ZMYM4: variants seen among roughly 807,000 people sequenced by gnomAD.
ZMYM4 encodes zinc finger MYM-type protein 4.
Under a neutral mutation model 183.2 loss-of-function variants are expected in ZMYM4, and 31 were observed. The observed-to-expected ratio is 0.17, with a 90% CI of 0.13 to 0.23. The LOEUF is 0.23. ZMYM4 is among the 10% of genes least tolerant of loss of function. ZMYM4 has a pLI of 1.00. For synonymous variants in ZMYM4, 592 were observed against 631.2 expected, an observed-to-expected ratio of 0.94 and a Z score of 0.93; for missense variants, 1,273 against 1,840.3, an observed-to-expected ratio of 0.69 and a Z score of 5.64.
chr1:35,346,992 G>C (rs561866038), intron 2 of ZMYM4, among the ~76,000 whole-genome samples: 1 of 152,100 alleles, frequency 6.6e-6, no homozygotes, highest in South Asian at 2.1e-4. Flanking sequence ...TGTTTAATTA[G>C]GACTTCTTCT....
intron 2 of ZMYM4, among the ~76,000 whole-genome samples, chr1:35,349,808 A>C (rs538719539): frequency 1.3e-5 from 2 of 149,986 alleles, no homozygotes; most frequent in African/African-American, 4.9e-5. Context: ...CCAGCCTGGG[A>C]GACAGAGCCA....
chr1:35,399,069 G>A (rs777292431), intron 22 of ZMYM4, 26 bp downstream of exon 22: 3 of 1,607,792 alleles, frequency 1.9e-6, no homozygotes, highest in Non-Finnish European at 2.6e-6. Context: ...CCTGTCCACT[G>A]AAAGCTTTTT....
intron 17 of ZMYM4, 114 bp downstream of exon 17, chr1:35,392,798 A>G (rs1644735106): frequency 1.4e-6 from 1 of 710,460 alleles, no homozygotes; most frequent in Admixed American, 3.4e-5. Context: ...AATAGATTTC[A>G]TTAGCTCATT....
chr1:35,311,184 CTG>C (rs2148782017), intron 1 of ZMYM4, among the ~76,000 whole-genome samples: 1 of 152,054 alleles, frequency 6.6e-6, no homozygotes, highest in Admixed American at 6.5e-5. Context: ...CTTTGGGAGA[CTG>C]AGGCAGGTGG....
Position 35,397,415 on chromosome 1 carries a change from TGAA to T in ZMYM4, c.3072_3074del (p.Glu1024del), listed in dbSNP as rs1320017852. ...TGCTTATTCCATCTTCAATGGATAG[TGAA>T]GATAAAGTCACAGAGAGTATTGAAG... On this transcript the variant is annotated inframe_deletion, in exon 20 of 30. Coordinates refer to ENST00000314607, the MANE Select transcript of ZMYM4 (RefSeq NM_005095.3). The T allele has an allele frequency of 1.2e-6, 2 of 1,611,856 alleles. No individual in the cohort carries two copies. Among genetic ancestry groups the T allele is most frequent in the African/African-American group, 2.7e-5 (2 of 74,854 alleles).
chr1:35,325,382 T>A lies in ZMYM4; in HGVS notation c.62T>A (p.Val21Asp). ...RKRFEQKSGAVFDEIVENCGG... is the reference protein window; with the variant it reads ...RKRFEQKSGADFDEIVENCGG... ...CAGTTTGAACAAAAAAGTGGTGCAG[T>A]TTTTGATGAAATTGTAGAGAACTGT... Residue 21 changes from valine (V) to aspartate (D), a missense_variant, in exon 2 of 30, where the codon GTT becomes GAT. Physicochemically the swap from Val to Asp is radical, Grantham distance 152. This residue lies in a region of ZMYM4 where 384 missense variants were observed against 465.6 expected (regional missense o/e 0.82). Transcript: ENST00000314607. 1 of 1,603,972 alleles carries A rather than the reference T, an allele frequency of 6.2e-7. No homozygotes were observed. The highest frequency in any genetic ancestry group is 1.1e-5 in the South Asian group (1 of 89,240).
intron 13 of ZMYM4, among the ~76,000 whole-genome samples, chr1:35,388,523 A>G: frequency 6.6e-6 from 1 of 151,890 alleles, no homozygotes; most frequent in African/African-American, 2.4e-5. Flanking sequence ...TTCATGAAAT[A>G]AAATCGATGC....
At chr1:35,372,893 T>C (rs1045450084) in intron 7 of ZMYM4, among the ~76,000 whole-genome samples, 10 of 152,166 alleles carry the variant, frequency 6.6e-5, no homozygotes, top group Non-Finnish European at 2.9e-5. Context: ...CGTGGTGGCT[T>C]GCGCCGGTAA....
chr1:35,383,883 T>C (rs1295536120), intron 9 of ZMYM4, among the ~76,000 whole-genome samples: 1 of 152,204 alleles, frequency 6.6e-6, no homozygotes, highest in African/African-American at 2.4e-5. Context: ...TTAAGCTCCC[T>C]GAGTCCCAGT....
Position 35,312,544 on chromosome 1 carries a change from T to A in ZMYM4, c.40-12816T>A, listed in dbSNP as rs189045333. On this transcript the variant is annotated intron_variant, in intron 1 of 29. Transcript: ENST00000314607. ...TTAAAGTCTGCGTAGAATTTCGTGT[T>A]TAATCTGTCTTAATAAATTAACCAT... Among the ~76,000 whole-genome samples the A allele has an allele frequency of 8.5e-5, 13 of 152,358 alleles. 2 individuals are homozygous for A. The highest frequency in any genetic ancestry group is 2.6e-4 in the African/African-American group (11 of 41,598).
chr1:35,339,535 T>C (rs1479494839), intron 2 of ZMYM4, among the ~76,000 whole-genome samples: 1 of 152,126 alleles, frequency 6.6e-6, no homozygotes, highest in African/African-American at 2.4e-5. Flanking sequence ...AATATTAAGT[T>C]CTATAAGTAA....
Position 35,414,249 on chromosome 1 carries a change from A to G in ZMYM4, c.4060+166A>G, listed in dbSNP as rs552657736. On this transcript the variant is annotated intron_variant, in intron 27 of 29. Coordinates refer to ENST00000314607, the MANE Select transcript of ZMYM4 (RefSeq NM_005095.3). ...GGTTTATTGTTGATTGTTTTAGGAA[A>G]ACTGTACAAGTCATATAGCACATGT... Among the ~76,000 whole-genome samples, 3 of 152,322 alleles carry G rather than the reference A, an allele frequency of 2.0e-5. No individual in the cohort carries two copies. In the East Asian group the frequency reaches 5.8e-4, roughly 29 times the overall value.
chr1:35,382,212 ACG>A (rs1644476206), intron 9 of ZMYM4, among the ~76,000 whole-genome samples: 4 of 145,492 alleles, frequency 2.7e-5, no homozygotes, highest in Admixed American at 2.1e-4. Context: ...ACACACACAC[ACG>A]TATATATACG....
chr1:35,362,194 G>A (rs1643953645), intron 5 of ZMYM4, among the ~76,000 whole-genome samples: 1 of 152,166 alleles, frequency 6.6e-6, no homozygotes, highest in South Asian at 2.1e-4. Flanking sequence ...TTTTCAGGAG[G>A]GGTTAATGGA....
chr1:35,345,263 A>C (rs1643349699), intron 2 of ZMYM4, among the ~76,000 whole-genome samples: 1 of 152,236 alleles, frequency 6.6e-6, no homozygotes, highest in South Asian at 2.1e-4. Context: ...TCACAAAGCT[A>C]AACTGTCATT....
chr1:35,387,328 T>G (rs770907456), intron 12 of ZMYM4, 50 bp downstream of exon 12: 1 of 1,589,460 alleles, frequency 6.3e-7, no homozygotes, highest in African/African-American at 1.4e-5. Flanking sequence ...GTGGGTCTAT[T>G]TGTAAAATTA....
chr1:35,369,370 A>G (rs924725825), intron 5 of ZMYM4, among the ~76,000 whole-genome samples: 7 of 152,156 alleles, frequency 4.6e-5, no homozygotes, highest in African/African-American at 1.2e-4. Context: ...TAAAAACAAA[A>G]TTTAAACAGC....
chr1:35,397,533 C>G lies in ZMYM4; in HGVS notation c.3187C>G (p.Leu1063Val), dbSNP rs199897307. ...TGCAGAAGATGAAGAGAAGAAGACT[C>G]TATCTCAGGGAGGTTGGTATACTCT... ...MIAEDEEKKT[L>V]SQGESQTSEH... Residue 1063 changes from leucine (L) to valine (V), a missense_variant, in exon 20 of 30, where the codon CTA (leucine) becomes GTA (valine). Transcript: ENST00000314607. The G allele has an allele frequency of 7.9e-5, 127 of 1,610,026 alleles. 1 individual carries two copies. The East Asian group carries it at 2.3e-3, about 29-fold the overall frequency.
intron 23 of ZMYM4, among the ~76,000 whole-genome samples, chr1:35,403,677 T>C (rs1003835426): frequency 2.6e-5 from 4 of 152,210 alleles, no homozygotes; most frequent in African/African-American, 7.2e-5. Flanking sequence ...ATTATAAAAT[T>C]AGTTAATATT....
Sources: allele counts gnomAD v4.1 joint callset (sites outside exome capture counted in the v4.1 genomes callset), GRCh38; gene constraint gnomAD v4.1.1; regional missense constraint gnomAD v4.1.1; transcripts MANE v1.5; gene names NCBI Gene and HGNC (gene_info 2026-07-23, HGNC 2026-07-21).